The following ZCWPW2 variants were observed in gnomAD, a reference collection of about 807,000 sequenced individuals.
ZCWPW2 encodes the protein zinc finger CW-type and PWWP domain containing 2.
ZCWPW2 carries 45 observed loss-of-function variants against 46.6 expected under a neutral mutation model. The observed-to-expected ratio is 0.96, with a 90% CI of 0.76 to 1.24. ZCWPW2 has a LOEUF of 1.24. Ranked by LOEUF, ZCWPW2 falls within the 50% of genes most tolerant of loss-of-function variation. ZCWPW2 has a pLI of 0.00. For synonymous variants in ZCWPW2, 152 were observed against 137.1 expected, an observed-to-expected ratio of 1.11 and a Z score of -0.76; for missense variants, 429 against 403.9, an observed-to-expected ratio of 1.06 and a Z score of -0.53.
chr3:28,502,296 T>C (rs66767946), intron 6 of ZCWPW2, among the ~76,000 whole-genome samples: 29,507 of 152,108 alleles, frequency 0.19, 3,506 homozygotes, highest in Middle Eastern at 0.29. Context: ...CAAATCCTTT[T>C]ATACACCATT....
intron 6 of ZCWPW2, among the ~76,000 whole-genome samples, chr3:28,502,338 G>C (rs1700165429): frequency 6.6e-6 from 1 of 152,052 alleles, no homozygotes; most frequent in Admixed American, 6.6e-5. Context: ...CCTTGCTTCA[G>C]AATACCAATT....
chr3:28,396,791 C>CTACTATTCCATATGTA, intron 2 of ZCWPW2, among the ~76,000 whole-genome samples: 1 of 152,298 alleles, frequency 6.6e-6, no homozygotes, highest in Non-Finnish European at 1.5e-5. Context: ...AGCCGTTTAT[C>CTACTATTCCATATGTA]TTCATTACTA....
intron 1 of ZCWPW2, among the ~76,000 whole-genome samples, chr3:28,375,374 C>T (rs1456896948): frequency 6.6e-6 from 1 of 152,000 alleles, no homozygotes; most frequent in African/African-American, 2.4e-5. Context: ...GACTTAACTA[C>T]TGCCATTTTG....
intron 1 of ZCWPW2, among the ~76,000 whole-genome samples, chr3:28,376,497 G>T (rs927018574): frequency 6.6e-6 from 1 of 152,002 alleles, no homozygotes; most frequent in Non-Finnish European, 1.5e-5. Context: ...ACTAGAGTTC[G>T]CGGTTTGTCT....
At chr3:28,440,645 A>G (rs1301475684) in intron 4 of ZCWPW2, among the ~76,000 whole-genome samples, 3 of 152,212 alleles carry the variant, frequency 2.0e-5, no homozygotes, top group Non-Finnish European at 4.4e-5. Flanking sequence ...GATGATGGGG[A>G]ACATGGTATG....
chr3:28,404,307 G>A (rs562340048), intron 2 of ZCWPW2, among the ~76,000 whole-genome samples: 1 of 152,144 alleles, frequency 6.6e-6, no homozygotes, highest in South Asian at 2.1e-4. Flanking sequence ...TCAGGAAAAT[G>A]CAAATCAAAA....
intron 9 of ZCWPW2, among the ~76,000 whole-genome samples, chr3:28,523,544 T>A (rs1214330015): frequency 6.6e-6 from 1 of 152,106 alleles, no homozygotes; most frequent in African/African-American, 2.4e-5. Flanking sequence ...AATTTTAAAG[T>A]CCTGAGCATG....
chr3:28,436,286 G>T (rs901003390), intron 4 of ZCWPW2, among the ~76,000 whole-genome samples: 1 of 149,712 alleles, frequency 6.7e-6, no homozygotes, highest in African/African-American at 2.5e-5. Context: ...CAGAAATGTG[G>T]ATACCTTTTA....
At position 28,413,379 on chromosome 3, in the gene ZCWPW2, T is replaced by C; in HGVS notation, c.311T>C (p.Val104Ala). 1.2e-6 allele frequency: 2 copies of C among 1,608,478 alleles called. No individual in the cohort carries two copies. Among genetic ancestry groups the C allele is most frequent in the South Asian group, 2.2e-5 (2 of 90,808 alleles). Residue 104 changes from valine (V) to alanine (A), a missense_variant, in exon 3 of 10, where the codon GTA becomes GCA. Physicochemically the swap from Val to Ala is moderately conservative, Grantham distance 64. Coordinates refer to ENST00000383768, the MANE Select transcript of ZCWPW2 (RefSeq NM_001040432.4). Reference sequence around the variant, plus strand: ...CTCCCTCTTGGAAGCCTGGTTTTGGTAAAATTACAGAATTGGCCAAGGTAA... The same window carrying C: ...CTCCCTCTTGGAAGCCTGGTTTTGGCAAAATTACAGAATTGGCCAAGGTAA... ...SQLPLGSLVL[V>A]KLQNWPSWPG...
At chr3:28,370,522 A>T (rs1184732290) in intron 1 of ZCWPW2, among the ~76,000 whole-genome samples, 1 of 152,186 alleles carries the variant, frequency 6.6e-6, no homozygotes, top group African/African-American at 2.4e-5. Flanking sequence ...GCAGACAAAT[A>T]AAACTATTAG....
chr3:28,467,204 C>T lies in ZCWPW2; in HGVS notation c.493-11610C>T, dbSNP rs78922634. Among the ~76,000 whole-genome samples, 1,007 of 151,502 alleles carry T rather than the reference C, an allele frequency of 6.6e-3. 8 individuals are homozygous for T. The highest frequency in any genetic ancestry group is 0.02 in the African/African-American group (840 of 41,322). On this transcript the variant is annotated intron_variant, in intron 4 of 9. Transcript: ENST00000383768. Reference sequence around the variant, plus strand: ...TGGGATGGGTACAAATAGTAACCTGCGGAAAAAAATGTCCAAACTAGTTCT... The same window carrying T: ...TGGGATGGGTACAAATAGTAACCTGTGGAAAAAAATGTCCAAACTAGTTCT...
At position 28,478,898 on chromosome 3, in the gene ZCWPW2, A is replaced by G; in HGVS notation, c.577A>G (p.Arg193Gly). Residue 193 changes from arginine to glycine, a missense_variant, in exon 5 of 10, where the codon AGA (arginine) becomes GGA (glycine). Physicochemically the swap from Arg to Gly is moderately radical, Grantham distance 125 (BLOSUM62 -2). Coordinates refer to ENST00000383768, the MANE Select transcript of ZCWPW2 (RefSeq NM_001040432.4). ...ACTCTATGGATATTCTCATGAGCAA[A>G]GACTGGAAATGTGCTGCCTATCAAA... ...CLLYGYSHEQ[R>G]LEMCCLSKLQ... The G allele has an allele frequency of 6.3e-7, 1 of 1,587,872 alleles. No homozygotes were observed. The highest frequency in any genetic ancestry group is 8.5e-7 in the Non-Finnish European group (1 of 1,171,102).
chr3:28,510,315 T>A (rs1700392172), intron 6 of ZCWPW2, among the ~76,000 whole-genome samples: 1 of 152,170 alleles, frequency 6.6e-6, no homozygotes, highest in African/African-American at 2.4e-5. Flanking sequence ...TGCATGCCTT[T>A]GGCTGAACTT....
chr3:28,485,886 G>T lies in ZCWPW2; in HGVS notation c.611-6241G>T, dbSNP rs546416239. On this transcript the variant is annotated intron_variant, in intron 5 of 9. Transcript: ENST00000383768. ...TGTTTTTGTCTTTCACTCTTTTTCT[G>T]TCTTTGTGATTTTTAGATTTTATAT... Among the ~76,000 whole-genome samples the T allele has an allele frequency of 7.3e-5, 11 of 151,082 alleles. No homozygotes were observed. The South Asian group carries it at 2.3e-3, about 32-fold the overall frequency.
chr3:28,431,147 G>A (rs564339869), intron 3 of ZCWPW2, among the ~76,000 whole-genome samples: 6 of 152,116 alleles, frequency 3.9e-5, no homozygotes, highest in Non-Finnish European at 5.9e-5. Context: ...AGCATGATAT[G>A]TATACTTTCT....
rs564216508 is a variant in ZCWPW2, at chr3:28,460,383, A to T, written c.493-18431A>T. ...AAAATTACTATTTGTGTCTGTAGGA[A>T]ACTTAAGCAGAGTAAGCAACAAGTC... On this transcript the variant is annotated intron_variant, in intron 4 of 9. Coordinates refer to ENST00000383768, the MANE Select transcript of ZCWPW2 (RefSeq NM_001040432.4). Among the ~76,000 whole-genome samples the T allele has an allele frequency of 2.0e-5, 3 of 152,258 alleles. No homozygotes were observed. In the South Asian group the frequency reaches 6.2e-4, roughly 32 times the overall value.
rs746289274 is a variant in ZCWPW2 at position 28,413,245 on chromosome 3, C to G, written c.177C>G (p.Tyr59Ter). 22 of 1,613,322 alleles carry G rather than the reference C, an allele frequency of 1.4e-5. No individual in the cohort carries two copies. Among genetic ancestry groups the G allele is most frequent in the Non-Finnish European group, 1.9e-5 (22 of 1,179,536 alleles). Residue 59 changes from tyrosine (Y) to a stop codon, truncating the protein, a stop_gained, in exon 3 of 10, where the codon TAC becomes TAG. Coordinates refer to ENST00000383768, the MANE Select transcript of ZCWPW2 (RefSeq NM_001040432.4). LOFTEE classifies it high-confidence loss of function. ...SAKVDHDEPW[Y>*]CFMNTDSRYN... ...AGGTTGATCATGATGAACCATGGTA[C>G]TGCTTCATGAACACTGATTCAAGAT...
intron 6 of ZCWPW2, among the ~76,000 whole-genome samples, chr3:28,492,806 A>T (rs1198401331): frequency 6.6e-6 from 1 of 152,134 alleles, no homozygotes; most frequent in African/African-American, 2.4e-5. Context: ...GTTGGTGCCT[A>T]AAACAAATAC....
At chr3:28,481,279 T>A (rs1301003762) in intron 5 of ZCWPW2, among the ~76,000 whole-genome samples, 1 of 152,196 alleles carries the variant, frequency 6.6e-6, no homozygotes, top group African/African-American at 2.4e-5. Context: ...AGTCTCGCTC[T>A]GTTGCCCAGG....
Sources: gnomAD v4.1 joint callset for allele counts (sites outside exome capture counted in the v4.1 genomes callset) on GRCh38, gnomAD v4.1.1 for gene constraint, MANE v1.5 for transcripts, NCBI Gene and HGNC (gene_info 2026-07-23, HGNC 2026-07-21) for gene names.